Variants in DKK2 observed in about 807,000 individuals in gnomAD.
The protein encoded by DKK2 is dickkopf-related protein 2.
A neutral mutation model predicts 28.1 loss-of-function variants in DKK2; 11 were observed. The observed-to-expected ratio is 0.39, with a 90% CI of 0.25 to 0.65. The LOEUF (loss-of-function observed/expected upper bound fraction) is 0.65. Ranked by LOEUF, DKK2 falls within the 30% of genes least tolerant of loss-of-function variation. The pLI is 0.47. For synonymous variants in DKK2, 135 were observed against 126.5 expected, an observed-to-expected ratio of 1.07 and a Z score of -0.45; for missense variants, 326 against 335.5, an observed-to-expected ratio of 0.97 and a Z score of 0.22.
At chr4:107,024,576 A>G (rs899817907) in intron 1 of DKK2, among the ~76,000 whole-genome samples, 4 of 152,206 alleles carry the variant, frequency 2.6e-5, no homozygotes, top group Non-Finnish European at 4.4e-5. Flanking sequence ...TCTCTGGTTG[A>G]TTCTAACTGC....
Position 107,035,355 on chromosome 4 carries a change from T to A in DKK2, c.222+15A>T. On this transcript the variant is annotated intron_variant, in intron 1 of 3. Transcript: ENST00000285311. The stretch of plus-strand genomic sequence containing the variant: ...GCCTCTTCTGTCTGAAGAATGTGTT[T>A]GGGGGTTTTCCTACCTGCCCCAGGT... The A allele has an allele frequency of 6.2e-7, 1 of 1,613,926 alleles. No individual in the cohort carries two copies. Among genetic ancestry groups the A allele is most frequent in the African/African-American group, 1.3e-5 (1 of 75,066 alleles).
intron 1 of DKK2, among the ~76,000 whole-genome samples, chr4:107,028,711 C>A (rs988854310): frequency 1.3e-5 from 2 of 152,034 alleles, no homozygotes; most frequent in Non-Finnish European, 2.9e-5. Context: ...TAGAAAGGGT[C>A]AAAGGTAAGG....
chr4:106,933,720 T>C (rs1724534592), intron 1 of DKK2, among the ~76,000 whole-genome samples: 1 of 152,212 alleles, frequency 6.6e-6, no homozygotes, highest in African/African-American at 2.4e-5. Flanking sequence ...TTGTATAGCA[T>C]CACCTTTCTC....
intron 1 of DKK2, among the ~76,000 whole-genome samples, chr4:106,969,503 C>T (rs187936112): frequency 9.9e-5 from 15 of 151,996 alleles, no homozygotes; most frequent in Admixed American, 9.2e-4. Flanking sequence ...AAGTAACTTG[C>T]ACCAAGTGTA....
At chr4:106,966,861 A>T (rs1722788173) in intron 1 of DKK2, among the ~76,000 whole-genome samples, 1 of 152,148 alleles carries the variant, frequency 6.6e-6, no homozygotes. Flanking sequence ...TACCCTCATA[A>T]TTCAATCACC....
chr4:106,924,296 T>C (rs556066778), intron 3 of DKK2, 92 bp from the exon 4 acceptor site: 122 of 1,478,106 alleles, frequency 8.3e-5, no homozygotes, highest in Non-Finnish European at 1.1e-4. Flanking sequence ...TATTTTTACT[T>C]ATACTATCTT....
intron 1 of DKK2, among the ~76,000 whole-genome samples, chr4:106,967,911 A>G (rs546413293): frequency 6.6e-6 from 1 of 150,568 alleles, no homozygotes; most frequent in South Asian, 2.1e-4. Context: ...AGGCAGGTTA[A>G]GGGATGGAGA....
chr4:106,964,432 C>T (rs1423439435), intron 1 of DKK2, among the ~76,000 whole-genome samples: 1 of 151,980 alleles, frequency 6.6e-6, no homozygotes, highest in Admixed American at 6.6e-5. Flanking sequence ...GAAATAAGAT[C>T]TAATGTTTGA....
intron 1 of DKK2, among the ~76,000 whole-genome samples, chr4:107,027,927 A>G (rs1723814019): frequency 6.6e-6 from 1 of 151,174 alleles, no homozygotes; most frequent in South Asian, 2.1e-4. Context: ...AATTTTTTGT[A>G]TTTTTTAGTA....
At chr4:106,974,332 A>G (rs1318328229) in intron 1 of DKK2, among the ~76,000 whole-genome samples, 1 of 152,206 alleles carries the variant, frequency 6.6e-6, no homozygotes, top group Non-Finnish European at 1.5e-5. Context: ...TACTTTGGGC[A>G]GTATGGCCAT....
intron 1 of DKK2, among the ~76,000 whole-genome samples, chr4:106,940,156 A>G (rs1441777971): frequency 1.3e-5 from 2 of 152,354 alleles, no homozygotes; most frequent in East Asian, 1.9e-4. Flanking sequence ...AGAAACTACC[A>G]TCAGAGTGAA....
At chr4:107,021,213 A>G (rs1723686692) in intron 1 of DKK2, among the ~76,000 whole-genome samples, 1 of 152,056 alleles carries the variant, frequency 6.6e-6, no homozygotes, top group African/African-American at 2.4e-5. Flanking sequence ...TGACATTCTC[A>G]CCTTCTATGG....
chr4:106,934,428 A>C (rs2110341217), intron 1 of DKK2, among the ~76,000 whole-genome samples: 1 of 152,312 alleles, frequency 6.6e-6, no homozygotes. Context: ...CCTCGACTGA[A>C]GTTTCTTTAT....
intron 1 of DKK2, among the ~76,000 whole-genome samples, chr4:107,024,098 G>A (rs1404947253): frequency 6.6e-6 from 1 of 152,046 alleles, no homozygotes. Flanking sequence ...TTTACAATTG[G>A]TTATTTCTCT....
chr4:107,032,428 G>A (rs1054251990), intron 1 of DKK2, among the ~76,000 whole-genome samples: 3 of 151,974 alleles, frequency 2.0e-5, no homozygotes, highest in African/African-American at 7.2e-5. Context: ...AAATAAGAAT[G>A]TTTATCTTTA....
intron 1 of DKK2, among the ~76,000 whole-genome samples, chr4:106,977,464 G>A (rs1722962144): frequency 6.6e-6 from 1 of 151,784 alleles, no homozygotes; most frequent in African/African-American, 2.4e-5. Flanking sequence ...CTCTATTCTT[G>A]TCTTCATGCT....
At chr4:106,995,340 C>A (rs1027821330) in intron 1 of DKK2, among the ~76,000 whole-genome samples, 1 of 151,930 alleles carries the variant, frequency 6.6e-6, no homozygotes, top group African/African-American at 2.4e-5. Context: ...AAATTAAAAC[C>A]GTATCTCAGA....
At chr4:106,969,927 T>G (rs1357124290) in intron 1 of DKK2, among the ~76,000 whole-genome samples, 2 of 152,022 alleles carry the variant, frequency 1.3e-5, no homozygotes, top group Admixed American at 1.3e-4. Flanking sequence ...CAGACCTGGC[T>G]GGGAAGTAAA....
intron 1 of DKK2, among the ~76,000 whole-genome samples, chr4:107,013,301 G>A (rs923032737): frequency 1.3e-5 from 2 of 151,450 alleles, no homozygotes; most frequent in Non-Finnish European, 3.0e-5. Flanking sequence ...ACATTACAAA[G>A]TTATAGTAAA....
Sources: gnomAD v4.1 joint callset for allele counts (sites outside exome capture counted in the v4.1 genomes callset) on GRCh38, gnomAD v4.1.1 for gene constraint, MANE v1.5 for transcripts, NCBI Gene and HGNC (gene_info 2026-07-23, HGNC 2026-07-21) for gene names.